Variants in BMPER observed in about 807,000 individuals in gnomAD.
BMPER encodes the protein BMP-binding endothelial regulator protein.
Under a neutral mutation model 87.3 loss-of-function variants are expected in BMPER, and 45 were observed. The ratio of observed to expected loss-of-function variants is 0.52; its 90% CI spans 0.41 to 0.66. BMPER has a LOEUF of 0.66. Ranked by LOEUF, BMPER falls within the 30% of genes least tolerant of loss-of-function variation. BMPER has a pLI of 0.00. For synonymous variants in BMPER, 326 were observed against 316.2 expected, an observed-to-expected ratio of 1.03 and a Z score of -0.33; for missense variants, 784 against 867.5, an observed-to-expected ratio of 0.90 and a Z score of 1.21.
chr7:34,126,398 T>C (rs1293932525), intron 13 of BMPER, among the ~76,000 whole-genome samples: 1 of 152,228 alleles, frequency 6.6e-6, no homozygotes, highest in Non-Finnish European at 1.5e-5. Flanking sequence ...TGTGATGAGA[T>C]ATTTTTGGAA....
chr7:33,958,975 C>A (rs4723343), intron 3 of BMPER, among the ~76,000 whole-genome samples: 1 of 151,812 alleles, frequency 6.6e-6, no homozygotes, highest in Non-Finnish European at 1.5e-5. Flanking sequence ...TCACAAGATA[C>A]GCTGGTTTTA....
intron 13 of BMPER, among the ~76,000 whole-genome samples, chr7:34,112,848 C>G (rs1035946589): frequency 2.6e-5 from 4 of 151,792 alleles, no homozygotes; most frequent in Non-Finnish European, 5.9e-5. Flanking sequence ...AACATAGATA[C>G]AACATAGTTT....
At chr7:33,941,252 T>A (rs1026888400) in intron 3 of BMPER, among the ~76,000 whole-genome samples, 3 of 145,738 alleles carry the variant, frequency 2.1e-5, no homozygotes, top group African/African-American at 7.6e-5. Flanking sequence ...TATACATTTT[T>A]ATATATGTAA....
chr7:33,920,874 T>C (rs1451425191), intron 2 of BMPER, among the ~76,000 whole-genome samples: 1 of 152,226 alleles, frequency 6.6e-6, no homozygotes, highest in East Asian at 1.9e-4. Flanking sequence ...CTTGGTTAGG[T>C]ACAGTTGAAA....
chr7:33,956,154 T>C (rs1785143499), intron 3 of BMPER, among the ~76,000 whole-genome samples: 1 of 152,046 alleles, frequency 6.6e-6, no homozygotes, highest in African/African-American at 2.4e-5. Flanking sequence ...TGTAGGAGAA[T>C]ATGTGGGACC....
intron 6 of BMPER, among the ~76,000 whole-genome samples, chr7:33,999,906 C>T (rs781320913): frequency 6.6e-6 from 1 of 152,180 alleles, no homozygotes; most frequent in African/African-American, 2.4e-5. Context: ...ACTTAAAAGG[C>T]CACTACGCTC....
chr7:34,142,505 A>T lies in BMPER; in HGVS notation c.1746-725A>T, dbSNP rs554258158. 3.9e-3 allele frequency among the ~76,000 whole-genome samples: 591 copies of T among 152,308 alleles called. 2 individuals carry two copies. Among genetic ancestry groups the T allele is most frequent in the African/African-American group, 0.014 (577 of 41,568 alleles). ...AATTTGTTAGTTTGCATTTCCGTTC[A>T]ATTTATGTCCTGGTCCATCATTTCC... is the stretch of plus-strand genomic sequence containing the variant. On this transcript the variant is annotated intron_variant, in intron 13 of 14. Coordinates refer to ENST00000649409, the MANE Select transcript of BMPER (RefSeq NM_001365308.1).
At chr7:33,977,768 AAAT>A (rs1419754072) in intron 6 of BMPER, among the ~76,000 whole-genome samples, 1 of 152,224 alleles carries the variant, frequency 6.6e-6, no homozygotes, top group East Asian at 1.9e-4. Flanking sequence ...ACATATATAA[AAAT>A]AATAAAAATA....
At chr7:34,028,684 G>GT (rs887316741) in intron 6 of BMPER, among the ~76,000 whole-genome samples, 6 of 121,698 alleles carry the variant, frequency 4.9e-5, no homozygotes, top group African/African-American at 1.9e-4. Context: ...AGAAATGTCC[G>GT]TAAGATGTCT....
intron 13 of BMPER, among the ~76,000 whole-genome samples, chr7:34,132,614 A>G (rs1790623725): frequency 6.6e-6 from 1 of 152,174 alleles, no homozygotes; most frequent in Admixed American, 6.5e-5. Context: ...TTATGATGAG[A>G]TGAGCTCACC....
chr7:33,953,494 G>C (rs1337092748), intron 3 of BMPER, among the ~76,000 whole-genome samples: 1 of 152,134 alleles, frequency 6.6e-6, no homozygotes, highest in Non-Finnish European at 1.5e-5. Flanking sequence ...GGCTGGACTA[G>C]ATTAGTGGGT....
At chr7:33,996,188 T>C (rs1452604882) in intron 6 of BMPER, among the ~76,000 whole-genome samples, 2 of 152,170 alleles carry the variant, frequency 1.3e-5, no homozygotes, top group Non-Finnish European at 2.9e-5. Context: ...AGTAAAACTG[T>C]AGGGCTTTGG....
chr7:33,976,896 A>C (rs1785702054), intron 6 of BMPER, among the ~76,000 whole-genome samples: 1 of 152,202 alleles, frequency 6.6e-6, no homozygotes, highest in Admixed American at 6.5e-5. Flanking sequence ...TGATGAATGA[A>C]ACACCAAGTT....
chr7:33,994,514 ACTGT>A (rs1262710887), intron 6 of BMPER, among the ~76,000 whole-genome samples: 1 of 152,156 alleles, frequency 6.6e-6, no homozygotes, highest in Non-Finnish European at 1.5e-5. Flanking sequence ...ACCTGTGCCC[ACTGT>A]CTGGCGCTCC....
chr7:33,937,256 T>C, intron 2 of BMPER, 33 bp from the exon 3 acceptor site: 2 of 1,600,862 alleles, frequency 1.2e-6, no homozygotes, highest in Non-Finnish European at 1.7e-6. Context: ...GTTTGATGTC[T>C]ATTTCAAATC....
At chr7:34,046,570 G>A (rs897265498) in intron 7 of BMPER, among the ~76,000 whole-genome samples, 165 bp downstream of exon 7, 4 of 152,178 alleles carry the variant, frequency 2.6e-5, no homozygotes, top group African/African-American at 9.6e-5. Context: ...TGTGTACAGG[G>A]TTTGCTTCTT....
At chr7:34,061,343 T>A (rs2127965032) in intron 10 of BMPER, among the ~76,000 whole-genome samples, 1 of 152,342 alleles carries the variant, frequency 6.6e-6, no homozygotes, top group South Asian at 2.1e-4. Flanking sequence ...TCAAAAGTTG[T>A]GCAATGTAGG....
At position 34,118,579 on chromosome 7, in the gene BMPER, A is replaced by G. The variant is rs1790176380; in HGVS notation, c.1746-24651A>G. Among the ~76,000 whole-genome samples, 6 of 152,264 alleles carry G rather than the reference A, an allele frequency of 3.9e-5. 1 individual carries two copies. In the South Asian group the frequency reaches 1.2e-3, roughly 32 times the overall value. On this transcript the variant is annotated intron_variant, in intron 13 of 14. Coordinates refer to ENST00000649409, the MANE Select transcript of BMPER (RefSeq NM_001365308.1). ...CCTGTGTGGCATGTATGTGGTTTTC[A>G]AGGAAAATTTTCTGGACGGTGGATG...
At chr7:34,140,231 C>A (rs932920995) in intron 13 of BMPER, among the ~76,000 whole-genome samples, 9 of 152,160 alleles carry the variant, frequency 5.9e-5, no homozygotes, top group Non-Finnish European at 1.3e-4. Flanking sequence ...GGAGACATTC[C>A]CTGAAAAACA....
Sources: allele counts gnomAD v4.1 joint callset (sites outside exome capture counted in the v4.1 genomes callset), GRCh38; gene constraint gnomAD v4.1.1; transcripts MANE v1.5; gene names NCBI Gene and HGNC (gene_info 2026-07-23, HGNC 2026-07-21).